Variants in ASIC2 observed in about 807,000 individuals in gnomAD.
ASIC2 encodes the protein acid sensing ion channel subunit 2, also known as acid-sensing ion channel 2.
A neutral mutation model predicts 57.3 loss-of-function variants in ASIC2; 25 were observed. The observed-to-expected ratio is 0.44, with a 90% CI of 0.32 to 0.61. ASIC2 has a LOEUF of 0.61. Ranked by LOEUF, ASIC2 falls within the 20% of genes least tolerant of loss-of-function variation. ASIC2 has a pLI of 0.06. For synonymous variants in ASIC2, 319 were observed against 307.5 expected (o/e 1.04, Z -0.39); for missense variants, 641 against 738.1 (o/e 0.87, Z 1.52).
At chr17:33,086,546 C>G (rs575025377) in intron 3 of ASIC2, among the ~76,000 whole-genome samples, 1 of 152,098 alleles carries the variant, frequency 6.6e-6, no homozygotes, top group Non-Finnish European at 1.5e-5. Flanking sequence ...GAGTGCTGAC[C>G]GATTTTCTCT....
At chr17:33,821,058 C>A (rs1388400644) in intron 1 of ASIC2, among the ~76,000 whole-genome samples, 1 of 152,132 alleles carries the variant, frequency 6.6e-6, no homozygotes, top group Admixed American at 6.5e-5. Flanking sequence ...AAAGCACGCA[C>A]TTTTTCTGAT....
chr17:33,759,338 G>C (rs1031286210), intron 1 of ASIC2, among the ~76,000 whole-genome samples: 7 of 152,174 alleles, frequency 4.6e-5, no homozygotes, highest in African/African-American at 1.7e-4. Context: ...AAAATGCTCA[G>C]GCTGCTTCAT....
At chr17:33,910,917 C>T (rs968054088) in intron 1 of ASIC2, among the ~76,000 whole-genome samples, 3 of 152,068 alleles carry the variant, frequency 2.0e-5, no homozygotes, top group African/African-American at 7.2e-5. Flanking sequence ...CTATTTCAAC[C>T]GTGTGCAGAA....
At chr17:33,307,477 T>C (rs1188466397) in intron 1 of ASIC2, among the ~76,000 whole-genome samples, 1 of 152,070 alleles carries the variant, frequency 6.6e-6, no homozygotes, top group Non-Finnish European at 1.5e-5. Context: ...TCCTGGCTAA[T>C]TTTTGTATTT....
chr17:33,838,531 A>T (rs189026669), intron 1 of ASIC2, among the ~76,000 whole-genome samples: 1 of 151,474 alleles, frequency 6.6e-6, no homozygotes, highest in African/African-American at 2.5e-5. Flanking sequence ...TGATGATGCA[A>T]TGGTGGTTGT....
At chr17:33,206,864 C>T (rs1424743201) in intron 1 of ASIC2, among the ~76,000 whole-genome samples, 5 of 152,058 alleles carry the variant, frequency 3.3e-5, no homozygotes, top group Admixed American at 6.5e-5. Context: ...TATTTTTGTT[C>T]GATTTTTGAG....
rs147975265 is a variant in ASIC2, at chr17:33,647,958, T to G, written c.555+508020A>C. Among the ~76,000 whole-genome samples, 842 of 152,278 alleles carry G rather than the reference T, an allele frequency of 5.5e-3. 11 individuals are homozygous for G. Among genetic ancestry groups the G allele is most frequent in the African/African-American group, 0.018 (739 of 41,562 alleles). ...TTCCAGACACCAGGGAGGTATGACA[T>G]GCCACCCCCATACCTGTCACCAGTA... On this transcript the variant is annotated intron_variant, in intron 1 of 9. Coordinates refer to the ASIC2 transcript ENST00000359872.
At chr17:33,152,891 G>A (rs574497765) in intron 1 of ASIC2, among the ~76,000 whole-genome samples, 205 of 152,072 alleles carry the variant, frequency 1.3e-3, no homozygotes, top group African/African-American at 4.8e-3. Flanking sequence ...TTGAAAAATC[G>A]AACCCAGCAG....
intron 1 of ASIC2, among the ~76,000 whole-genome samples, chr17:33,542,590 G>GT (rs1915450701): frequency 1.4e-5 from 1 of 72,852 alleles, no homozygotes; most frequent in Non-Finnish European, 2.8e-5. Context: ...TTTTGATGGG[G>GT]TTGTTTGTTT....
intron 1 of ASIC2, among the ~76,000 whole-genome samples, chr17:33,801,095 C>T (rs1912119913): frequency 6.6e-6 from 1 of 152,192 alleles, no homozygotes; most frequent in Non-Finnish European, 1.5e-5. Flanking sequence ...TCCACTTCGT[C>T]AGAAAGCTTT....
At chr17:33,376,785 C>T (rs1909292737) in intron 1 of ASIC2, among the ~76,000 whole-genome samples, 1 of 152,176 alleles carries the variant, frequency 6.6e-6, no homozygotes, top group Non-Finnish European at 1.5e-5. Context: ...GCCACTTCTT[C>T]ATTTTCTTCC....
intron 1 of ASIC2, among the ~76,000 whole-genome samples, chr17:34,137,701 G>C (rs949228655): frequency 3.3e-5 from 5 of 152,176 alleles, no homozygotes; most frequent in Non-Finnish European, 7.3e-5. Context: ...CACAGTTCCA[G>C]AGGCTGGGAA....
At chr17:33,166,187 T>C (rs1476714038) in intron 1 of ASIC2, among the ~76,000 whole-genome samples, 1 of 152,226 alleles carries the variant, frequency 6.6e-6, no homozygotes, top group African/African-American at 2.4e-5. Flanking sequence ...TAATCTTTTA[T>C]TTCTTCATCT....
chr17:33,570,432 G>A (rs1359915954), intron 1 of ASIC2, among the ~76,000 whole-genome samples: 1 of 152,204 alleles, frequency 6.6e-6, no homozygotes, highest in East Asian at 1.9e-4. Flanking sequence ...TGTACTTAAA[G>A]GAAGGGTGCA....
intron 1 of ASIC2, among the ~76,000 whole-genome samples, chr17:33,727,194 A>G (rs556720637): frequency 6.6e-6 from 1 of 152,296 alleles, no homozygotes; most frequent in East Asian, 1.9e-4. Context: ...TGAAGAAACT[A>G]TAGCTAAAAA....
intron 1 of ASIC2, among the ~76,000 whole-genome samples, chr17:33,745,610 C>T (rs1910237404): frequency 6.7e-6 from 1 of 148,744 alleles, no homozygotes; most frequent in African/African-American, 2.5e-5. Flanking sequence ...TTACCAGAAA[C>T]AATGTAAGTC....
At chr17:33,437,214 A>C (rs144989677) in intron 1 of ASIC2, among the ~76,000 whole-genome samples, 2 of 151,792 alleles carry the variant, frequency 1.3e-5, no homozygotes, top group Non-Finnish European at 2.9e-5. Context: ...TGGCAAGATC[A>C]TAGCTCACTG....
intron 3 of ASIC2, among the ~76,000 whole-genome samples, chr17:33,029,114 A>G (rs144470076): frequency 6.6e-6 from 1 of 152,320 alleles, no homozygotes; most frequent in African/African-American, 2.4e-5. Flanking sequence ...TGAGTCCTTT[A>G]TATCCATTTT....
intron 1 of ASIC2, among the ~76,000 whole-genome samples, chr17:33,342,351 C>T (rs577583133): frequency 6.7e-5 from 10 of 150,116 alleles, no homozygotes; most frequent in East Asian, 2.0e-4. Flanking sequence ...TGTGTGTGTA[C>T]GTGTGTGTGT....
Sources: allele counts gnomAD v4.1 joint callset (sites outside exome capture counted in the v4.1 genomes callset), GRCh38; gene constraint gnomAD v4.1.1; transcripts MANE v1.5; gene names NCBI Gene and HGNC (gene_info 2026-07-23, HGNC 2026-07-21).